CHP1: variants seen among roughly 807,000 people sequenced by gnomAD.
CHP1 encodes the protein calcineurin like EF-hand protein 1.
CHP1 carries 11 observed loss-of-function variants against 27.4 expected under a neutral mutation model. The ratio of observed to expected loss-of-function variants is 0.40; its 90% confidence interval spans 0.25 to 0.67. The LOEUF (loss-of-function observed/expected upper bound fraction) is 0.67, where lower values mean the gene tolerates loss of function less well. Ranked by LOEUF, CHP1 falls within the 30% of genes least tolerant of loss-of-function variation. The pLI is 0.38. For synonymous variants in CHP1, 89 were observed against 87.4 expected (o/e 1.02, Z -0.10); for missense variants, 169 against 251.3 (o/e 0.67, Z 2.22).
intron 3 of CHP1, among the ~76,000 whole-genome samples, chr15:41,259,543 T>TTA (rs2047420931): frequency 6.6e-6 from 1 of 150,716 alleles, no homozygotes; most frequent in Non-Finnish European, 1.5e-5. Flanking sequence ...TTTTTTTTTT[T>TTA]AAAGAATGAG....
At chr15:41,267,363 A>C (rs1291788392) in intron 4 of CHP1, among the ~76,000 whole-genome samples, 2 of 152,140 alleles carry the variant, frequency 1.3e-5, no homozygotes, top group East Asian at 3.9e-4. Context: ...TTTTACCACA[A>C]TAAAAAAAAA....
At chr15:41,237,474 C>G (rs994590466) in intron 1 of CHP1, among the ~76,000 whole-genome samples, 1 of 152,148 alleles carries the variant, frequency 6.6e-6, no homozygotes, top group African/African-American at 2.4e-5. Context: ...ATTCAAATTT[C>G]TCCAATTATA....
intron 4 of CHP1, 25 bp from the exon 5 acceptor site, chr15:41,270,532 C>A (rs759523983): frequency 5.0e-6 from 8 of 1,597,484 alleles, no homozygotes; most frequent in East Asian, 2.2e-5. Context: ...AGAATTTTGA[C>A]TAACTTTGTG....
intron 3 of CHP1, 33 bp from the exon 4 acceptor site, chr15:41,262,723 C>T: frequency 1.9e-6 from 3 of 1,608,434 alleles, no homozygotes; most frequent in Non-Finnish European, 2.5e-6. Context: ...CCGTGATTGA[C>T]ATGGTGTTGT....
chr15:41,232,698 T>C (rs1199615821), intron 1 of CHP1, among the ~76,000 whole-genome samples: 1 of 152,224 alleles, frequency 6.6e-6, no homozygotes, highest in Non-Finnish European at 1.5e-5. Context: ...TTTATGATTC[T>C]TATTGAGTTA....
intron 5 of CHP1, chr15:41,272,411 A>C (rs533664031): frequency 6.6e-6 from 1 of 152,092 alleles, no homozygotes; most frequent in Non-Finnish European, 1.5e-5. Context: ...TTTGCCTGAG[A>C]ATTTTTTTGT....
At chr15:41,258,066 T>C (rs576002088) in intron 3 of CHP1, among the ~76,000 whole-genome samples, 1 of 152,304 alleles carries the variant, frequency 6.6e-6, no homozygotes, top group African/African-American at 2.4e-5. Flanking sequence ...TCTCTCTACC[T>C]ACACATACTC....
At chr15:41,246,256 G>T (rs949319647) in intron 2 of CHP1, among the ~76,000 whole-genome samples, 1 of 151,142 alleles carries the variant, frequency 6.6e-6, no homozygotes, top group Non-Finnish European at 1.5e-5. Context: ...GTTTCTAAAT[G>T]TGTGTGTTTT....
intron 5 of CHP1, 73 bp from the exon 6 acceptor site, chr15:41,278,694 T>C: frequency 1.3e-6 from 2 of 1,589,260 alleles, no homozygotes; most frequent in Non-Finnish European, 1.7e-6. Flanking sequence ...TGGTGATAGC[T>C]TTATTTTTAA....
At position 41,280,018 on chromosome 15, in the gene CHP1, C is replaced by G. The variant is rs911400959; in HGVS notation, c.*629C>G. 23 of 152,324 alleles carry G rather than the reference C, an allele frequency of 1.5e-4. No homozygotes were observed. Among genetic ancestry groups the G allele is most frequent in the African/African-American group, 5.3e-4 (22 of 41,438 alleles). The allele number at this position is 152,324 out of a possible 1,614,324, so 9.4% of individuals were successfully genotyped here. Reference sequence around the variant, plus strand: ...ATGGGCCTCTGGGATGTTGCCTCTTCAGGAGCTTTTTGGTAATCAATACTT... The same window carrying G: ...ATGGGCCTCTGGGATGTTGCCTCTTGAGGAGCTTTTTGGTAATCAATACTT... On this transcript the variant is annotated 3_prime_UTR_variant, in exon 7 of 7. Coordinates refer to ENST00000334660, the MANE Select transcript of CHP1 (RefSeq NM_007236.5).
At chr15:41,246,989 T>C (rs2047338389) in intron 2 of CHP1, among the ~76,000 whole-genome samples, 3 of 139,492 alleles carry the variant, frequency 2.2e-5, no homozygotes, top group Admixed American at 7.4e-5. Flanking sequence ...GTCGAGACCA[T>C]GGGCTACAGA....
At chr15:41,268,661 G>T (rs563751557) in intron 4 of CHP1, among the ~76,000 whole-genome samples, 1 of 138,066 alleles carries the variant, frequency 7.2e-6, no homozygotes, top group African/African-American at 2.7e-5. Context: ...AAAAATTCAG[G>T]CCAGGCGCGA....
chr15:41,264,986 G>T (rs2047452983), intron 4 of CHP1, among the ~76,000 whole-genome samples: 2 of 152,100 alleles, frequency 1.3e-5, no homozygotes, highest in African/African-American at 4.8e-5. Flanking sequence ...CTGTAGCATG[G>T]TGCCTCTTAC....
In CHP1 at chr15:41,245,235, C is replaced by T. The variant is rs1279213573; in HGVS notation, c.140+1496C>T. ...TAGCACTTTGGGAGGCCAAGGCGGG[C>T]GGATCACCTGAGATCAGGAGTTCGA... On this transcript the variant is annotated intron_variant, in intron 2 of 6. Coordinates refer to ENST00000334660, the MANE Select transcript of CHP1 (RefSeq NM_007236.5). Among the ~76,000 whole-genome samples, 9 of 152,182 alleles carry T rather than the reference C, an allele frequency of 5.9e-5. No individual in the cohort carries two copies. The East Asian group carries it at 1.4e-3, about 23-fold the overall frequency.
At chr15:41,264,065 T>C (rs1388055955) in intron 4 of CHP1, 5 of 550,286 alleles carry the variant, frequency 9.1e-6, no homozygotes, top group Admixed American at 3.0e-5. Context: ...TTCTCTTTAC[T>C]CTGCCATCCT....
rs149574461 is a variant in CHP1 at position 41,262,683 on chromosome 15, C to T, written c.222-73C>T. 1.9e-6 allele frequency: 3 copies of T among 1,574,898 alleles called. No homozygotes were observed. The African/African-American group carries it at 4.1e-5, about 21-fold the overall frequency. On this transcript the variant is annotated intron_variant, in intron 3 of 6. Transcript: ENST00000334660. The stretch of plus-strand genomic sequence containing the variant: ...CAGGCTACCGTAGCTAAAGCTGTTG[C>T]CAGTATATTTAATTCATAAGAAATA...
At chr15:41,246,533 TG>T (rs1404950258) in intron 2 of CHP1, among the ~76,000 whole-genome samples, 1 of 150,962 alleles carries the variant, frequency 6.6e-6, no homozygotes, top group Admixed American at 6.6e-5. Flanking sequence ...TTGGCCAGGC[TG>T]GTCTCAAACT....
chr15:41,252,164 A>G (rs745647585), intron 2 of CHP1, among the ~76,000 whole-genome samples: 170 of 151,692 alleles, frequency 1.1e-3, no homozygotes, highest in Admixed American at 2.2e-3. Context: ...TAAAATGGAA[A>G]GCTGTATTTT....
At chr15:41,233,394 C>T (rs2140919233) in intron 1 of CHP1, among the ~76,000 whole-genome samples, 1 of 152,190 alleles carries the variant, frequency 6.6e-6, no homozygotes, top group East Asian at 1.9e-4. Context: ...TACATTTGAC[C>T]AAATGGAAAT....
Sources: allele counts gnomAD v4.1 joint callset (sites outside exome capture counted in the v4.1 genomes callset), GRCh38; gene constraint gnomAD v4.1.1; transcripts MANE v1.5; gene names NCBI Gene and HGNC (gene_info 2026-07-23, HGNC 2026-07-21).